The following STYX variants were observed in gnomAD, a reference collection of about 807,000 sequenced individuals.
The protein encoded by STYX is serine/threonine/tyrosine-interacting protein.
Under a neutral mutation model 42.7 loss-of-function variants are expected in STYX, and 20 were observed. That is an observed-to-expected ratio of 0.47 (90% CI 0.33 to 0.68). STYX has a LOEUF of 0.68. Among genes scored for constraint, STYX ranks in the 30% least tolerant of loss-of-function variants. STYX has a pLI of 0.02. For synonymous variants in STYX, 78 were observed against 81.9 expected, an observed-to-expected ratio of 0.95 and a Z score of 0.26; for missense variants, 226 against 268.5, an observed-to-expected ratio of 0.84 and a Z score of 1.11.
intron 9 of STYX, among the ~76,000 whole-genome samples, chr14:52,760,556 C>A (rs922632361): frequency 1.9e-4 from 29 of 152,214 alleles, no homozygotes; most frequent in Admixed American, 3.9e-4. Context: ...CTAATTACAT[C>A]CAATTATGTA....
At chr14:52,737,028 T>C (rs1019863968) in intron 1 of STYX, among the ~76,000 whole-genome samples, 2 of 152,152 alleles carry the variant, frequency 1.3e-5, no homozygotes, top group African/African-American at 4.8e-5. Flanking sequence ...CCAGTGCAAG[T>C]CTAGTATTCT....
intron 10 of STYX, 143 bp from the exon 11 acceptor site, chr14:52,770,890 A>G (rs958516116): frequency 3.1e-5 from 16 of 519,808 alleles, no homozygotes; most frequent in African/African-American, 2.1e-4. Context: ...TTTATCACAA[A>G]GGAATTTACT....
intron 1 of STYX, among the ~76,000 whole-genome samples, chr14:52,730,804 T>G (rs1880667962): frequency 6.6e-6 from 1 of 152,244 alleles, no homozygotes; most frequent in Non-Finnish European, 1.5e-5. Flanking sequence ...AGGACTGACC[T>G]GGAGTAAGGT....
intron 10 of STYX, 59 bp downstream of exon 10, chr14:52,768,992 C>G (rs565422394): frequency 7.6e-7 from 1 of 1,311,864 alleles, no homozygotes; most frequent in African/African-American, 1.5e-5. Context: ...AGGTGGAGAA[C>G]TTGCTACAAG....
At chr14:52,767,829 G>A (rs1882367659) in intron 9 of STYX, among the ~76,000 whole-genome samples, 1 of 152,158 alleles carries the variant, frequency 6.6e-6, no homozygotes, top group Non-Finnish European at 1.5e-5. Context: ...AGGTATATAG[G>A]TTTTAAAGTG....
intron 9 of STYX, among the ~76,000 whole-genome samples, chr14:52,761,133 A>G (rs2139925473): frequency 1.3e-5 from 2 of 152,286 alleles, no homozygotes; most frequent in East Asian, 3.9e-4. Context: ...GTTCGAGACC[A>G]GCCTGGCCAA....
Position 52,761,522 on chromosome 14 carries a change from G to A in STYX, c.504+1768G>A, listed in dbSNP as rs1283999391. Among the ~76,000 whole-genome samples the A allele has an allele frequency of 4.7e-5, 7 of 149,806 alleles. No homozygotes were observed. The South Asian group carries it at 6.3e-4, about 14-fold the overall frequency. ...GGAAACAAAAAGTGCCTATTCCTCC[G>A]AGTGCCTATTTCCTCCTACCCTAAT... On this transcript the variant is annotated intron_variant, in intron 9 of 10. Coordinates refer to ENST00000354586, the MANE Select transcript of STYX (RefSeq NM_145251.4).
At chr14:52,769,013 C>A in intron 10 of STYX, 80 bp downstream of exon 10, 3 of 1,019,116 alleles carry the variant, frequency 2.9e-6, no homozygotes, top group East Asian at 2.5e-5. Context: ...TTACACTGAA[C>A]AATTTAAATT....
chr14:52,765,704 C>T (rs1484605841), intron 9 of STYX, among the ~76,000 whole-genome samples: 1 of 152,142 alleles, frequency 6.6e-6, no homozygotes, highest in African/African-American at 2.4e-5. Context: ...CAGGACAAAA[C>T]TGTTCTATAT....
intron 1 of STYX, among the ~76,000 whole-genome samples, chr14:52,736,356 T>G (rs1314896697): frequency 6.6e-6 from 1 of 152,214 alleles, no homozygotes; most frequent in Non-Finnish European, 1.5e-5. Context: ...TTAACAATTT[T>G]TGGTCATTGT....
chr14:52,738,088 TAA>T (rs1881029965), intron 1 of STYX, among the ~76,000 whole-genome samples: 1 of 152,202 alleles, frequency 6.6e-6, no homozygotes, highest in South Asian at 2.1e-4. Flanking sequence ...CAGGCAGGTT[TAA>T]GGTTTGTTCT....
chr14:52,763,862 C>T (rs780629200), intron 9 of STYX, among the ~76,000 whole-genome samples: 2 of 152,100 alleles, frequency 1.3e-5, no homozygotes, highest in African/African-American at 4.8e-5. Context: ...AAATCTTTTA[C>T]TATATTGTGT....
At chr14:52,733,282 A>G (rs915658857) in intron 1 of STYX, among the ~76,000 whole-genome samples, 3 of 152,186 alleles carry the variant, frequency 2.0e-5, no homozygotes, top group Non-Finnish European at 4.4e-5. Flanking sequence ...TGCAAAACTG[A>G]TAAATTCTTG....
intron 3 of STYX, among the ~76,000 whole-genome samples, chr14:52,748,748 C>T (rs771263070): frequency 4.6e-4 from 70 of 152,132 alleles, no homozygotes; most frequent in Non-Finnish European, 8.5e-4. Flanking sequence ...TTATGTGCAT[C>T]GTCTTGTGCT....
chr14:52,747,023 C>T (rs956968435), intron 3 of STYX, among the ~76,000 whole-genome samples: 5 of 152,050 alleles, frequency 3.3e-5, no homozygotes, highest in South Asian at 2.1e-4. Context: ...TTTCGGATTT[C>T]GGATTTTTGG....
rs560566997 is a variant in STYX, at chr14:52,752,128, C to A, written c.242+1348C>A. On this transcript the variant is annotated intron_variant, in intron 4 of 10. Transcript: ENST00000354586. The stretch of plus-strand genomic sequence containing the variant: ...TGAGCCGAGATCACACCACTGCACT[C>A]CAGCCTGGGCAACAGAGCAAGACAC... Among the ~76,000 whole-genome samples, 69 of 151,828 alleles carry A rather than the reference C, an allele frequency of 4.5e-4. 1 individual carries two copies. In the South Asian group the frequency reaches 0.014, roughly 31 times the overall value.
intron 4 of STYX, among the ~76,000 whole-genome samples, chr14:52,751,644 T>C (rs1241894168): frequency 6.6e-6 from 1 of 152,204 alleles, no homozygotes; most frequent in Admixed American, 6.5e-5. Flanking sequence ...TCTCATTTGA[T>C]GTTCTTATTT....
intron 1 of STYX, among the ~76,000 whole-genome samples, chr14:52,741,206 GTT>G (rs1310764281): frequency 1.7e-4 from 24 of 142,452 alleles, no homozygotes; most frequent in Admixed American, 9.5e-4. Flanking sequence ...GTGGATATAT[GTT>G]TTTATATATA....
At chr14:52,754,131 G>A (rs1364241530) in intron 4 of STYX, among the ~76,000 whole-genome samples, 3 of 151,748 alleles carry the variant, frequency 2.0e-5, no homozygotes, top group African/African-American at 7.3e-5. Context: ...CTCGTGATCC[G>A]CCTGCCTTGG....
Sources: gnomAD v4.1 joint callset for allele counts (sites outside exome capture counted in the v4.1 genomes callset) on GRCh38, gnomAD v4.1.1 for gene constraint, MANE v1.5 for transcripts, NCBI Gene and HGNC (gene_info 2026-07-23, HGNC 2026-07-21) for gene names.